EHF: variants seen among roughly 807,000 people sequenced by gnomAD.
EHF encodes the protein ESE3 transcription factor.
A neutral mutation model predicts 45.1 loss-of-function variants in EHF; 14 were observed. The observed-to-expected ratio is 0.31, with a 90% confidence interval of 0.21 to 0.49. The LOEUF is 0.49. Ranked by LOEUF, EHF falls within the 20% of genes least tolerant of loss-of-function variation. The pLI, the probability that EHF is intolerant of heterozygous loss-of-function variation, is 0.99. For synonymous variants in EHF, 136 were observed against 131.8 expected, an observed-to-expected ratio of 1.03 and a Z score of -0.22; for missense variants, 282 against 371.4, an observed-to-expected ratio of 0.76 and a Z score of 1.98.
chr11:34,637,164 G>T (rs1022137217), intron 1 of EHF, among the ~76,000 whole-genome samples: 24 of 151,918 alleles, frequency 1.6e-4, no homozygotes, highest in Non-Finnish European at 3.2e-4. Context: ...CTTCTGCTAT[G>T]CCCATATTTG....
Position 34,646,520 on chromosome 11 carries a change from A to G in EHF, c.179A>G (p.Gln60Arg). The G allele has an allele frequency of 6.2e-7, 1 of 1,614,076 alleles. No individual in the cohort carries two copies. The highest frequency in any genetic ancestry group is 1.3e-5 in the African/African-American group (1 of 75,032). ...AAGTACCAGGTGTGGGAGTGGCTCC[A>G]GCACCTCCTGGACACCAACCAGCTG... ...WTKYQVWEWLQHLLDTNQLDA... is the reference protein window; with the variant it reads ...WTKYQVWEWLRHLLDTNQLDA... Residue 60 changes from glutamine (Q) to arginine (R), a missense_variant, in exon 3 of 9, where the codon CAG (glutamine) becomes CGG (arginine). This residue lies in a region of EHF where 213 missense variants were observed against 247.3 expected (regional missense o/e 0.86). Transcript: ENST00000257831.
In EHF at chr11:34,660,316, A is replaced by C. The variant is rs1856004833; in HGVS notation, c.*1385A>C. 6.6e-6 allele frequency: 1 copy of C among 152,146 alleles called. No individual in the cohort carries two copies. The highest frequency in any genetic ancestry group is 2.1e-4 in the South Asian group (1 of 4,812). 9.4% of individuals were successfully genotyped at this position (152,146 alleles called of 1,614,324 possible). A position where few individuals can be genotyped will look rare whatever the true frequency, so the allele number is the denominator to read the frequency against. ...ACACCAAGAAAAGAATTTCCAGGGAAAATCCTCTTTGCAGGTATTAATTCT... is the reference window on the plus strand; with the variant it reads ...ACACCAAGAAAAGAATTTCCAGGGACAATCCTCTTTGCAGGTATTAATTCT... On this transcript the variant is annotated 3_prime_UTR_variant, in exon 9 of 9. Transcript: ENST00000257831.
At chr11:34,641,598 C>T (rs1340993862) in intron 1 of EHF, among the ~76,000 whole-genome samples, 1 of 152,110 alleles carries the variant, frequency 6.6e-6, no homozygotes, top group East Asian at 1.9e-4. Context: ...ATTCCTCTCC[C>T]CACCCCAACA....
chr11:34,649,491 C>T (rs1854927498), intron 4 of EHF, among the ~76,000 whole-genome samples: 1 of 152,044 alleles, frequency 6.6e-6, no homozygotes, highest in Non-Finnish European at 1.5e-5. Flanking sequence ...GTGTGTGTTT[C>T]ACAAAAAGGG....
intron 3 of EHF, among the ~76,000 whole-genome samples, chr11:34,648,537 G>A (rs1242909983): frequency 3.3e-5 from 5 of 152,126 alleles, no homozygotes; most frequent in Non-Finnish European, 7.4e-5. Context: ...GCATTGATTA[G>A]ATTTTAAATC....
rs961025371 is a variant in EHF, at chr11:34,661,557, C to T, written c.*2626C>T. ...CTTGGCATCTGGTGCCTGATTAAGGCTTGAGTATTAAGTTCTCAGCATATC... is the reference window on the plus strand; with the variant it reads ...CTTGGCATCTGGTGCCTGATTAAGGTTTGAGTATTAAGTTCTCAGCATATC... On this transcript the variant is annotated 3_prime_UTR_variant, in exon 9 of 9. Transcript: ENST00000257831. Among the ~76,000 whole-genome samples the T allele has an allele frequency of 2.4e-4, 37 of 152,232 alleles. No homozygotes were observed. The highest frequency in any genetic ancestry group is 8.7e-4 in the African/African-American group (36 of 41,556).
intron 1 of EHF, among the ~76,000 whole-genome samples, chr11:34,629,788 G>A (rs1021659433): frequency 6.6e-6 from 1 of 152,122 alleles, no homozygotes; most frequent in Non-Finnish European, 1.5e-5. Context: ...CTGTCATCAG[G>A]ACCAATCTGT....
chr11:34,657,038 A>G, intron 7 of EHF, 68 bp downstream of exon 7: 1 of 1,582,692 alleles, frequency 6.3e-7, no homozygotes, highest in South Asian at 1.1e-5. Flanking sequence ...GGAGGCCACT[A>G]GTTTTTTGGC....
intron 5 of EHF, 37 bp downstream of exon 5, chr11:34,651,647 C>T: frequency 6.2e-7 from 1 of 1,608,578 alleles, no homozygotes; most frequent in South Asian, 1.1e-5. Flanking sequence ...CCTTTACATT[C>T]TTATTCAGTT....
chr11:34,646,719 C>G (rs748128205), intron 3 of EHF, 35 bp downstream of exon 3: 17 of 1,600,704 alleles, frequency 1.1e-5, no homozygotes, highest in Non-Finnish European at 1.4e-5. Flanking sequence ...CCCTACCCTG[C>G]TAGGAGCCAG....
chr11:34,642,605 C>T, intron 1 of EHF, 23 bp from the exon 2 acceptor site: 4 of 1,481,112 alleles, frequency 2.7e-6, no homozygotes, highest in South Asian at 2.3e-5. Flanking sequence ...ACTGACTGAA[C>T]AGGCTGTTTG....
chr11:34,650,032 G>A (rs1030454608), intron 4 of EHF, among the ~76,000 whole-genome samples: 2 of 152,250 alleles, frequency 1.3e-5, no homozygotes, highest in Non-Finnish European at 2.9e-5. Flanking sequence ...CTCTTCAGAG[G>A]CCAGGGGATG....
At chr11:34,626,204 G>A (rs1409487334) in intron 1 of EHF, among the ~76,000 whole-genome samples, 1 of 152,096 alleles carries the variant, frequency 6.6e-6, no homozygotes, top group East Asian at 1.9e-4. Flanking sequence ...AAATAATCTT[G>A]GGGGCTGGGC....
intron 1 of EHF, chr11:34,622,297 T>C: frequency 5.8e-6 from 3 of 519,556 alleles, no homozygotes; most frequent in Non-Finnish European, 9.4e-6. Flanking sequence ...GGGTTCAAGT[T>C]CACAGGTGTC....
chr11:34,631,473 A>G, intron 1 of EHF: 1 of 695,544 alleles, frequency 1.4e-6, no homozygotes, highest in Non-Finnish European at 1.8e-6. Context: ...TTAGCTTATC[A>G]TGTGACATTG....
At chr11:34,635,304 G>A in intron 1 of EHF, among the ~76,000 whole-genome samples, 1 of 152,102 alleles carries the variant, frequency 6.6e-6, no homozygotes, top group Non-Finnish European at 1.5e-5. Flanking sequence ...GGCCAGTGGA[G>A]CAGTCCTTGG....
chr11:34,635,726 C>G (rs1238930562), intron 1 of EHF, among the ~76,000 whole-genome samples: 2 of 134,002 alleles, frequency 1.5e-5, no homozygotes, highest in Non-Finnish European at 3.2e-5. Context: ...TTTTGCACCT[C>G]CAAACCAGCT....
chr11:34,649,527 T>G (rs1296869019), intron 4 of EHF, among the ~76,000 whole-genome samples: 3 of 152,160 alleles, frequency 2.0e-5, no homozygotes, highest in African/African-American at 7.2e-5. Flanking sequence ...GGTATTGTAG[T>G]TAACAAATTT....
Position 34,646,467 on chromosome 11 carries a change from G to A in EHF, c.126G>A (p.Trp42Ter). Residue 42 changes from tryptophan to a stop codon, truncating the protein, a stop_gained, in exon 3 of 9, where the codon TGG (tryptophan) becomes TGA (stop). Transcript: ENST00000257831. LOFTEE classifies it high-confidence loss of function. Reference sequence around the variant, plus strand: ...CCAGTGGGTTTTTTGGAGGCCAGTGGCATGAAATTCATCCTCAGTACTGGA... The same window carrying A: ...CCAGTGGGTTTTTTGGAGGCCAGTGACATGAAATTCATCCTCAGTACTGGA... ...NVSSGFFGGQWHEIHPQYWTK... is the reference protein window; with the variant it reads ...NVSSGFFGGQ 6.2e-7 allele frequency: 1 copy of A among 1,614,080 alleles called. No individual in the cohort carries two copies.
Sources: gnomAD v4.1 joint callset for allele counts (sites outside exome capture counted in the v4.1 genomes callset) on GRCh38, gnomAD v4.1.1 for gene constraint, gnomAD v4.1.1 regional missense constraint, MANE v1.5 for transcripts, NCBI Gene and HGNC (gene_info 2026-07-23, HGNC 2026-07-21) for gene names.